Variants in SDK1 observed in about 807,000 individuals in gnomAD.
The protein encoded by SDK1 is protein sidekick-1.
In SDK1, 157 loss-of-function variants were observed where a neutral mutation model predicts 245.5. The ratio of observed to expected loss-of-function variants is 0.64; its 90% CI spans 0.56 to 0.73. SDK1 has a LOEUF of 0.73. Ranked by LOEUF, SDK1 falls within the 30% of genes least tolerant of loss-of-function variation. SDK1 has a pLI of 0.00. For synonymous variants in SDK1, 1,647 were observed against 1,278.5 expected (o/e 1.29, Z -6.15); for missense variants, 3,583 against 3,002.3 (o/e 1.19, Z -4.52).
In SDK1 at chr7:3,705,115, G is replaced by C. The variant is rs188286900; in HGVS notation, c.713+63010G>C. Among the ~76,000 whole-genome samples the C allele has an allele frequency of 1.4e-4, 21 of 152,248 alleles. 1 individual carries two copies. The highest frequency in any genetic ancestry group is 5.9e-5 in the Non-Finnish European group (4 of 68,002). On this transcript the variant is annotated intron_variant, in intron 4 of 44. Transcript: ENST00000404826. ...GTTTTGTAGTATAATTTGAAGTCTGGCAATGTGATGCTTCCAGATTTGTTC... is the reference window on the plus strand; with the variant it reads ...GTTTTGTAGTATAATTTGAAGTCTGCCAATGTGATGCTTCCAGATTTGTTC...
chr7:3,769,691 G>A (rs192586989), intron 4 of SDK1, among the ~76,000 whole-genome samples: 1 of 152,068 alleles, frequency 6.6e-6, no homozygotes, highest in East Asian at 1.9e-4. Flanking sequence ...TGGGACTCCT[G>A]TTCAACTCAG....
chr7:3,798,450 C>G (rs1415790306), intron 4 of SDK1, among the ~76,000 whole-genome samples: 2 of 152,074 alleles, frequency 1.3e-5, no homozygotes, highest in African/African-American at 4.8e-5. Flanking sequence ...ATCTCCTGAC[C>G]TTGTGATCCA....
rs188921994 is a variant in SDK1, at chr7:3,867,126, T to A, written c.847+45543T>A. On this transcript the variant is annotated intron_variant, in intron 5 of 44. Coordinates refer to ENST00000404826, the MANE Select transcript of SDK1 (RefSeq NM_152744.4). ...TGGTGCTGTAAAAGCTAAGAAAAAT[T>A]AAGCTTCAATCAAACACAGAAAAAG... 3.5e-4 allele frequency among the ~76,000 whole-genome samples: 53 copies of A among 152,254 alleles called. 1 individual carries two copies. The highest frequency in any genetic ancestry group is 1.2e-3 in the African/African-American group (50 of 41,536).
chr7:3,838,060 C>T (rs1780065943), intron 5 of SDK1, among the ~76,000 whole-genome samples: 1 of 152,174 alleles, frequency 6.6e-6, no homozygotes, highest in Non-Finnish European at 1.5e-5. Context: ...TTGGGGAGCC[C>T]TGTGTGCTGG....
At chr7:3,948,114 C>G (rs1780651338) in intron 5 of SDK1, among the ~76,000 whole-genome samples, 1 of 152,202 alleles carries the variant, frequency 6.6e-6, no homozygotes. Flanking sequence ...TAATATTCTA[C>G]TGAAATGTTT....
intron 35 of SDK1, among the ~76,000 whole-genome samples, chr7:4,183,144 C>G (rs1315836271): frequency 2.6e-5 from 4 of 152,172 alleles, no homozygotes; most frequent in Admixed American, 2.6e-4. Context: ...AGCGGGGCCA[C>G]AGGACCCCCT....
At chr7:4,194,471 TATATATACTCCC>T (rs947751467) in intron 35 of SDK1, among the ~76,000 whole-genome samples, 1 of 151,512 alleles carries the variant, frequency 6.6e-6, no homozygotes, top group Non-Finnish European at 1.5e-5. Flanking sequence ...TGTGTGTGTA[TATATATACTCCC>T]ATATATATGG....
At chr7:4,005,438 T>TGTGTG (rs1785405916) in intron 14 of SDK1, among the ~76,000 whole-genome samples, 3 of 94,518 alleles carry the variant, frequency 3.2e-5, no homozygotes, top group African/African-American at 1.2e-4. Context: ...GTGTGTGTGT[T>TGTGTG]AATACTTCTT....
At chr7:3,488,886 TC>T (rs1225208270) in intron 1 of SDK1, among the ~76,000 whole-genome samples, 9 of 150,004 alleles carry the variant, frequency 6.0e-5, no homozygotes, top group African/African-American at 2.2e-4. Context: ...CTTCTCTCTT[TC>T]CCTTCATTCC....
At chr7:3,642,943 ATTG>A (rs918695366) in intron 4 of SDK1, 8 of 152,252 alleles carry the variant, frequency 5.3e-5, no homozygotes, top group African/African-American at 1.9e-4. Flanking sequence ...AGCAAATACT[ATTG>A]TTGTGCTTTT....
At chr7:4,206,587 G>T (rs1784239982) in intron 36 of SDK1, among the ~76,000 whole-genome samples, 1 of 152,222 alleles carries the variant, frequency 6.6e-6, no homozygotes, top group South Asian at 2.1e-4. Context: ...GAGAAAGGAA[G>T]GCAGCAGGCC....
intron 1 of SDK1, among the ~76,000 whole-genome samples, chr7:3,583,963 G>C (rs1271168931): frequency 6.6e-6 from 1 of 152,162 alleles, no homozygotes; most frequent in Non-Finnish European, 1.5e-5. Flanking sequence ...AATAAGGCTG[G>C]AACCCCAGTT....
intron 1 of SDK1, among the ~76,000 whole-genome samples, chr7:3,432,005 C>T (rs1193502029): frequency 6.6e-6 from 1 of 150,922 alleles, no homozygotes; most frequent in Admixed American, 6.6e-5. Context: ...CAAAATATAC[C>T]CGTTGAATAG....
chr7:3,892,278 C>T (rs1029550061), intron 5 of SDK1, among the ~76,000 whole-genome samples: 2 of 152,220 alleles, frequency 1.3e-5, no homozygotes, highest in South Asian at 4.1e-4. Flanking sequence ...TTATTTTTCA[C>T]TTAAGAATCC....
intron 38 of SDK1, among the ~76,000 whole-genome samples, chr7:4,214,907 G>A (rs1032065478): frequency 1.3e-5 from 2 of 152,362 alleles, no homozygotes; most frequent in South Asian, 2.1e-4. Context: ...GGCTCCAGCC[G>A]GGATGAGCCT....
chr7:3,948,178 C>A (rs568902294), intron 5 of SDK1, among the ~76,000 whole-genome samples: 68 of 151,332 alleles, frequency 4.5e-4, no homozygotes, highest in Middle Eastern at 6.9e-3. Context: ...ACCTATATAA[C>A]CTTGACCTTG....
chr7:3,381,720 T>C (rs1437175586), intron 1 of SDK1, among the ~76,000 whole-genome samples: 2 of 152,064 alleles, frequency 1.3e-5, no homozygotes, highest in Non-Finnish European at 2.9e-5. Context: ...GAAAAGCACC[T>C]CTCCTTCCCT....
intron 4 of SDK1, among the ~76,000 whole-genome samples, chr7:3,743,024 T>G (rs754110369): frequency 3.2e-4 from 48 of 152,224 alleles, no homozygotes; most frequent in African/African-American, 9.4e-4. Flanking sequence ...TCCTACTTAT[T>G]GATAGGCATG....
At chr7:4,069,486 G>A (rs575166314) in intron 20 of SDK1, among the ~76,000 whole-genome samples, 5 of 152,342 alleles carry the variant, frequency 3.3e-5, no homozygotes, top group Non-Finnish European at 5.9e-5. Context: ...TGAGTTGCCC[G>A]TCCTGACGCG....
Sources: gnomAD v4.1 joint callset for allele counts (sites outside exome capture counted in the v4.1 genomes callset) on GRCh38, gnomAD v4.1.1 for gene constraint, MANE v1.5 for transcripts, NCBI Gene and HGNC (gene_info 2026-07-23, HGNC 2026-07-21) for gene names.